The following OXNAD1 variants were observed in gnomAD, a reference collection of about 807,000 sequenced individuals.
The protein encoded by OXNAD1 is oxidoreductase NAD-binding domain-containing protein 1.
A neutral mutation model predicts 32.9 loss-of-function variants in OXNAD1; 34 were observed. That is an observed-to-expected ratio of 1.03 (90% CI 0.79 to 1.38). The LOEUF is 1.38. Among genes scored for constraint, OXNAD1 ranks in the 40% most tolerant of loss-of-function variants. The probability of loss-of-function intolerance (pLI) is 0.00; values close to 1 mark genes in which losing one functional copy is unlikely to be tolerated. For missense variants in OXNAD1, 407 were observed against 379.4 expected (o/e 1.07, Z -0.60); for synonymous variants, 134 against 135.2 (o/e 0.99, Z 0.06).
rs555927556 is a variant in OXNAD1 at position 16,314,123 on chromosome 3, G to A, written c.*30+10531G>A. 2.8e-4 allele frequency among the ~76,000 whole-genome samples: 42 copies of A among 152,106 alleles called. No homozygotes were observed. Among genetic ancestry groups the A allele is most frequent in the African/African-American group, 9.6e-4 (40 of 41,504 alleles). ...CAGGACTCCCCTGCAAACCCACTGT[G>A]ACAGCTGCAGCCTCACAGACTTAAC... On this transcript the variant is annotated intron_variant, in intron 9 of 9. Transcript: ENST00000435829. The surrounding 1 kb of genome is among the most constrained non-coding windows in gnomAD (Gnocchi z 4.4).
At chr3:16,351,193 A>G (rs560778341), downstream of OXNAD1, among the ~76,000 whole-genome samples, 5 of 152,322 alleles carry the variant, frequency 3.3e-5, no homozygotes, top group South Asian at 1.0e-3. This position sits in a 1 kb window ranked among gnomAD's most constrained non-coding sequence, Gnocchi z 5.4. Flanking sequence ...GGCCACCTGA[A>G]TCCACTGCAG....
Position 16,329,833 on chromosome 3 carries a change from G to A in OXNAD1, c.*31-7279G>A, listed in dbSNP as rs968668935. Among the ~76,000 whole-genome samples the A allele has an allele frequency of 5.3e-5, 8 of 152,196 alleles. No homozygotes were observed. Among genetic ancestry groups the A allele is most frequent in the Non-Finnish European group, 7.4e-5 (5 of 68,010 alleles). On this transcript the variant is annotated intron_variant, in intron 9 of 9. Coordinates refer to the OXNAD1 transcript ENST00000435829. This position sits in a 1 kb window ranked among gnomAD's most constrained non-coding sequence, Gnocchi z 4.5. ...CATGGCAACCAGGACAAGCTTTGGC[G>A]CCTCACAAAGCCCTGAGTGGCAGAA...
rs1042771157 is a variant in OXNAD1 at position 16,287,041 on chromosome 3, A to T, written c.290+593A>T. 2.6e-5 allele frequency among the ~76,000 whole-genome samples: 4 copies of T among 152,176 alleles called. No homozygotes were observed. Among genetic ancestry groups the T allele is most frequent in the African/African-American group, 9.7e-5 (4 of 41,450 alleles). On this transcript the variant is annotated intron_variant, in intron 5 of 8. Transcript: ENST00000285083. The surrounding 1 kb of genome is among the most constrained non-coding windows in gnomAD (Gnocchi z 4.8). Reference sequence around the variant, plus strand: ...GCTCCCCAGAACCCCCACACAAATCATAAGTCTGTCCCATTTGACTCGGGA... The same window carrying T: ...GCTCCCCAGAACCCCCACACAAATCTTAAGTCTGTCCCATTTGACTCGGGA...
rs377488301 is a variant in OXNAD1, at chr3:16,294,271, TGGCTCACTGCAACATCCACCTCCCA to T, written c.291-582_291-558del. Among the ~76,000 whole-genome samples the T allele has an allele frequency of 7.3e-4, 111 of 152,244 alleles. 1 individual carries two copies. The highest frequency in any genetic ancestry group is 5.8e-3 in the Admixed American group (88 of 15,286). ...AGGCTGGAGTGCAGTGGCGCAATCT[TGGCTCACTGCAACATCCACCTCCCA>T]GGTTCAGGTGATTCTTCTGCCTCAG... On this transcript the variant is annotated intron_variant, in intron 5 of 8. Coordinates refer to ENST00000285083, the MANE Select transcript of OXNAD1 (RefSeq NM_138381.5).
intron 2 of OXNAD1, among the ~76,000 whole-genome samples, 182 bp downstream of exon 2, chr3:16,269,457 G>A (rs1258292741): frequency 2.0e-5 from 3 of 152,224 alleles, no homozygotes; most frequent in African/African-American, 7.2e-5. Flanking sequence ...AACATACTAT[G>A]ACAAGAAGAA....
At chr3:16,307,686 T>TG, downstream of OXNAD1, among the ~76,000 whole-genome samples, 1 of 152,194 alleles carries the variant, frequency 6.6e-6, no homozygotes, top group East Asian at 1.9e-4. Context: ...GAAAGGGAAG[T>TG]GGGGTCAAGA....
At chr3:16,328,163 C>G (rs1310330683) in intron 9 of OXNAD1, among the ~76,000 whole-genome samples, 1 of 152,252 alleles carries the variant, frequency 6.6e-6, no homozygotes, top group Non-Finnish European at 1.5e-5. Context: ...TAAGGGCTCT[C>G]TGGCAGGGCC....
At chr3:16,296,716 T>C (rs181541500) in intron 6 of OXNAD1, among the ~76,000 whole-genome samples, 297 of 152,082 alleles carry the variant, frequency 2.0e-3, no homozygotes, top group Middle Eastern at 3.4e-3. Flanking sequence ...AATGGAAAAA[T>C]TGAAAGGCAA....
At chr3:16,286,470 CATGT>C (rs775513112) in intron 5 of OXNAD1, 22 bp downstream of exon 5, 1 of 1,584,796 alleles carries the variant, frequency 6.3e-7, no homozygotes, top group Admixed American at 1.7e-5. Flanking sequence ...TTCTGTGTTC[CATGT>C]ATGTATGTTC....
rs1257718574 is a variant in OXNAD1, at chr3:16,270,998, G to A, written c.46G>A (p.Val16Ile). 1 of 1,614,078 alleles carries A rather than the reference G, an allele frequency of 6.2e-7. No homozygotes were observed. The highest frequency in any genetic ancestry group is 8.5e-7 in the Non-Finnish European group (1 of 1,180,044). ...GATTCCTGGGTTGTTGCGGTGCTCT[G>A]TTGGAGCCATCCGTATTGAGGCTGC... is the stretch of plus-strand genomic sequence containing the variant. The part of the protein sequence containing the change: ...VMIPGLLRCS[V>I]GAIRIEAASL... The change falls in exon 3 of 9, where the codon GTT becomes ATT. Residue 16 changes from valine (V) to isoleucine (I), a missense_variant. Physicochemically the swap from Val to Ile is conservative, Grantham distance 29. Coordinates refer to ENST00000285083, the MANE Select transcript of OXNAD1 (RefSeq NM_138381.5).
chr3:16,314,851 C>G lies in OXNAD1; in HGVS notation c.*30+11259C>G, dbSNP rs1223576708. On this transcript the variant is annotated intron_variant, in intron 9 of 9. Coordinates refer to the OXNAD1 transcript ENST00000435829. This position sits in a 1 kb window ranked among gnomAD's most constrained non-coding sequence, Gnocchi z 4.4. ...GTGGTGTTTTTGTCCTGGCCTGTTG[C>G]TGACTAGCATATATTTTTAAAATCA... 6.6e-6 allele frequency: 1 copy of G among 152,180 alleles called. No individual in the cohort carries two copies. The highest frequency in any genetic ancestry group is 1.5e-5 in the Non-Finnish European group (1 of 68,034). The allele number at this position is 152,180 out of a possible 1,614,324, so 9.4% of individuals were successfully genotyped here.
Position 16,316,580 on chromosome 3 carries a change from G to C in OXNAD1, c.*30+12988G>C. The C allele has an allele frequency of 1.8e-6, 1 of 546,866 alleles. No individual in the cohort carries two copies. The highest frequency in any genetic ancestry group is 3.3e-6 in the Non-Finnish European group (1 of 305,772). The allele number at this position is 546,866 out of a possible 1,614,324, so 33.9% of individuals were successfully genotyped here. ...CAGGACTGGGCCTTCAGCCATGAGG[G>C]CTAGAATAACCTGACCTCTTGCATT... On this transcript the variant is annotated intron_variant, in intron 9 of 9. Coordinates refer to the OXNAD1 transcript ENST00000435829. The surrounding 1 kb of genome is among the most constrained non-coding windows in gnomAD (Gnocchi z 4.5).
rs531285431 is a variant in OXNAD1, at chr3:16,313,089, A to G, written c.*30+9497A>G. 4.0e-5 allele frequency among the ~76,000 whole-genome samples: 6 copies of G among 150,502 alleles called. No individual in the cohort carries two copies. The South Asian group carries it at 1.3e-3, about 32-fold the overall frequency. ...TTGACAGGGTCTTGTTCTATTGTCC[A>G]GGCTGGAGTGCAGTGGTGTGCCCAC... On this transcript the variant is annotated intron_variant, in intron 9 of 9. Coordinates refer to the OXNAD1 transcript ENST00000435829.
Position 16,302,003 on chromosome 3 carries a change from G to A in OXNAD1, c.675+135G>A, listed in dbSNP as rs2067219507. On this transcript the variant is annotated intron_variant, in intron 7 of 8. Transcript: ENST00000285083. This position sits in a 1 kb window ranked among gnomAD's most constrained non-coding sequence, Gnocchi z 4.2. ...TGGCAAGATTTAATCATGCTTAAAT[G>A]AGAACTAACCAACACACCTTACCCA... The A allele has an allele frequency of 1.8e-6, 2 of 1,128,084 alleles. No homozygotes were observed. The highest frequency in any genetic ancestry group is 2.9e-4 in the Middle Eastern group (1 of 3,432). 69.9% of individuals were successfully genotyped at this position (1,128,084 alleles called of 1,614,324 possible).
intron 9 of OXNAD1, among the ~76,000 whole-genome samples, chr3:16,323,066 G>A (rs1472630044): frequency 6.6e-6 from 1 of 152,202 alleles, no homozygotes; most frequent in Non-Finnish European, 1.5e-5. Flanking sequence ...TGGTCAGGCT[G>A]CAGCTGACTT....
rs2069797481 is a variant in OXNAD1 at position 16,327,252 on chromosome 3, C to T, written c.*31-9860C>T. Among the ~76,000 whole-genome samples the T allele has an allele frequency of 6.6e-6, 1 of 152,132 alleles. No homozygotes were observed. Among genetic ancestry groups the T allele is most frequent in the Non-Finnish European group, 1.5e-5 (1 of 68,040 alleles). On this transcript the variant is annotated intron_variant, in intron 9 of 9. Coordinates refer to the OXNAD1 transcript ENST00000435829. The surrounding 1 kb of genome is among the most constrained non-coding windows in gnomAD (Gnocchi z 4.2). ...CTACACGTGCTGCTCTGAATGAGTT[C>T]AGAGCGTGTTGTGGGGAGTTAACTT...
chr3:16,299,011 G>A lies in OXNAD1; in HGVS notation c.433-2615G>A, dbSNP rs995569591. Among the ~76,000 whole-genome samples, 1 of 152,162 alleles carries A rather than the reference G, an allele frequency of 6.6e-6. No individual in the cohort carries two copies. The highest frequency in any genetic ancestry group is 2.4e-5 in the African/African-American group (1 of 41,434). On this transcript the variant is annotated intron_variant, in intron 6 of 8. Transcript: ENST00000285083. The surrounding 1 kb of genome is among the most constrained non-coding windows in gnomAD (Gnocchi z 4.4). ...ATACAGACCTACCGAAGATTATTTT[G>A]TCGTCAAGGATAAGACAGGCTTCTT...
chr3:16,324,378 G>A (rs1474864378), intron 9 of OXNAD1, among the ~76,000 whole-genome samples: 1 of 152,112 alleles, frequency 6.6e-6, no homozygotes, highest in Non-Finnish European at 1.5e-5. Context: ...AGATGACCAA[G>A]GCTTATTCCT....
chr3:16,295,796 T>A (rs567175119), intron 6 of OXNAD1, among the ~76,000 whole-genome samples: 76 of 152,328 alleles, frequency 5.0e-4, no homozygotes, highest in African/African-American at 1.7e-3. Context: ...CCAGTATAAA[T>A]ATGGCTTCAA....
Sources: gnomAD v4.1 joint callset for allele counts (sites outside exome capture counted in the v4.1 genomes callset) on GRCh38, gnomAD v4.1.1 for gene constraint, Gnocchi (gnomAD v3.1) non-coding constraint, MANE v1.5 for transcripts, NCBI Gene and HGNC (gene_info 2026-07-23, HGNC 2026-07-21) for gene names.